Variants in FBXW8 observed in about 807,000 individuals in gnomAD.
FBXW8 encodes F-box and WD repeat domain containing 8, also known as F-box/WD repeat-containing protein 8.
FBXW8 carries 57 observed loss-of-function variants against 65.3 expected under a neutral mutation model. That is an observed-to-expected ratio of 0.87 (90% CI 0.71 to 1.09). The LOEUF (loss-of-function observed/expected upper bound fraction) is 1.09, where lower values mean the gene tolerates loss of function less well. FBXW8 is among the 50% of genes least tolerant of loss of function. The pLI is 0.00. For synonymous variants in FBXW8, 308 were observed against 330.2 expected, an observed-to-expected ratio of 0.93 and a Z score of 0.73; for missense variants, 777 against 814.8, an observed-to-expected ratio of 0.95 and a Z score of 0.57.
chr12:116,946,921 C>A (rs2137349546), intron 3 of FBXW8, among the ~76,000 whole-genome samples: 1 of 152,072 alleles, frequency 6.6e-6, no homozygotes, highest in East Asian at 1.9e-4. Context: ...TCCTTTCTCT[C>A]CAGAAAGGAG....
intron 7 of FBXW8, among the ~76,000 whole-genome samples, chr12:116,991,514 G>T (rs1010120611): frequency 6.6e-6 from 1 of 152,178 alleles, no homozygotes; most frequent in Admixed American, 6.5e-5. Flanking sequence ...CTTTGCTTGC[G>T]AATACCATGC....
At chr12:116,992,794 G>GTGTGTGTA (rs1341610564) in intron 7 of FBXW8, among the ~76,000 whole-genome samples, 7 of 151,752 alleles carry the variant, frequency 4.6e-5, no homozygotes, top group South Asian at 2.1e-4. Context: ...GTGTGTGTGT[G>GTGTGTGTA]TGTATCACAT....
Position 116,984,863 on chromosome 12 carries a change from G to A in FBXW8, c.836-343G>A, listed in dbSNP as rs12308160. Among the ~76,000 whole-genome samples the A allele has an allele frequency of 7.3e-3, 1,115 of 152,230 alleles. 16 individuals are homozygous for A. The highest frequency in any genetic ancestry group is 0.026 in the African/African-American group (1,060 of 41,522). Reference sequence around the variant, plus strand: ...AAATTAGCTGGGTATGGTGGCACACGCCTGTAGTCCTGTCTATTTGGGAGG... The same window carrying A: ...AAATTAGCTGGGTATGGTGGCACACACCTGTAGTCCTGTCTATTTGGGAGG... On this transcript the variant is annotated intron_variant, in intron 5 of 10. Transcript: ENST00000652555.
chr12:116,965,498 G>A (rs1194381085), intron 5 of FBXW8, among the ~76,000 whole-genome samples: 1 of 152,136 alleles, frequency 6.6e-6, no homozygotes, highest in Admixed American at 6.5e-5. Flanking sequence ...ATGATATCCA[G>A]TATGCCCACC....
intron 8 of FBXW8, among the ~76,000 whole-genome samples, chr12:117,018,349 C>T (rs1179222260): frequency 6.6e-6 from 1 of 152,246 alleles, no homozygotes; most frequent in Non-Finnish European, 1.5e-5. Flanking sequence ...TTCACAATAT[C>T]TACCATTGGC....
chr12:117,018,313 T>G (rs955939573), intron 8 of FBXW8, among the ~76,000 whole-genome samples: 2 of 152,224 alleles, frequency 1.3e-5, no homozygotes, highest in Non-Finnish European at 2.9e-5. Flanking sequence ...ATGGGCAAAG[T>G]TGATGAAATA....
At chr12:116,992,608 C>T (rs990817686) in intron 7 of FBXW8, among the ~76,000 whole-genome samples, 2 of 152,068 alleles carry the variant, frequency 1.3e-5, no homozygotes, top group African/African-American at 4.8e-5. Flanking sequence ...TGTGCCTCTG[C>T]ATACCCATAG....
At chr12:116,988,101 A>G (rs1352094426) in intron 6 of FBXW8, among the ~76,000 whole-genome samples, 1 of 152,202 alleles carries the variant, frequency 6.6e-6, no homozygotes, top group Non-Finnish European at 1.5e-5. Flanking sequence ...GTCCCTTAGT[A>G]ATGGGTGTTT....
intron 4 of FBXW8, among the ~76,000 whole-genome samples, chr12:116,960,346 A>G (rs1245011189): frequency 6.6e-6 from 1 of 152,228 alleles, no homozygotes; most frequent in Non-Finnish European, 1.5e-5. Flanking sequence ...CTGCTGAGTC[A>G]TAATGCAGTA....
At chr12:117,005,473 T>C (rs1394014360) in intron 7 of FBXW8, among the ~76,000 whole-genome samples, 1 of 152,146 alleles carries the variant, frequency 6.6e-6, no homozygotes, top group Admixed American at 6.5e-5. Flanking sequence ...TTACAACGTG[T>C]AGTGTGATGC....
chr12:116,967,828 G>A (rs1447917994), intron 5 of FBXW8, among the ~76,000 whole-genome samples: 1 of 152,172 alleles, frequency 6.6e-6, no homozygotes, highest in Non-Finnish European at 1.5e-5. Context: ...GTGCAGTGGT[G>A]CGATCTCGAC....
intron 4 of FBXW8, among the ~76,000 whole-genome samples, chr12:116,956,070 C>T (rs939357400): frequency 2.0e-5 from 3 of 152,160 alleles, no homozygotes; most frequent in African/African-American, 4.8e-5. Context: ...CATAAGAAAA[C>T]ACACTTTTCT....
Position 117,024,422 on chromosome 12 carries a change from C to G in FBXW8, c.1541+102C>G, listed in dbSNP as rs573731730. 2.4e-5 allele frequency: 33 copies of G among 1,374,328 alleles called. No individual in the cohort carries two copies. The South Asian group carries it at 4.4e-4, about 18-fold the overall frequency. 85.1% of individuals were successfully genotyped at this position (1,374,328 alleles called of 1,614,324 possible). A position where few individuals can be genotyped will look rare whatever the true frequency, so the allele number is the denominator to read the frequency against. On this transcript the variant is annotated intron_variant, in intron 9 of 10. Transcript: ENST00000652555. ...ACGGTGCTAAATGCCCCCTACCCCC[C>G]GGCTTCGCCAGGTGAATCCTTACTG... is the stretch of plus-strand genomic sequence containing the variant.
intron 4 of FBXW8, chr12:116,950,043 A>G (rs1430702998): frequency 3.8e-6 from 1 of 266,608 alleles, no homozygotes; most frequent in Non-Finnish European, 7.3e-6. Context: ...TCAAGCAAAG[A>G]TAATAAGTGT....
At chr12:116,954,788 A>G (rs113284630) in intron 4 of FBXW8, among the ~76,000 whole-genome samples, 6 of 152,212 alleles carry the variant, frequency 3.9e-5, no homozygotes, top group African/African-American at 1.4e-4. Context: ...TAACCTTTTG[A>G]CTTGAAGTCT....
intron 8 of FBXW8, among the ~76,000 whole-genome samples, chr12:117,022,844 C>A (rs1954132916): frequency 6.6e-6 from 1 of 152,176 alleles, no homozygotes; most frequent in Non-Finnish European, 1.5e-5. Flanking sequence ...TCCTCCTTTA[C>A]AGATGTGTTT....
At chr12:116,926,639 A>AT (rs896522445) in intron 1 of FBXW8, among the ~76,000 whole-genome samples, 4 of 151,696 alleles carry the variant, frequency 2.6e-5, no homozygotes, top group East Asian at 1.9e-4. Context: ...ACAATTGCAG[A>AT]TTTTTTTTCC....
chr12:116,931,574 G>A (rs1881774373), intron 2 of FBXW8, among the ~76,000 whole-genome samples: 3 of 152,018 alleles, frequency 2.0e-5, no homozygotes, highest in Admixed American at 2.0e-4. Flanking sequence ...CAGCATACTG[G>A]TCTTTAGCTT....
intron 7 of FBXW8, among the ~76,000 whole-genome samples, chr12:117,005,225 C>T (rs1953646431): frequency 1.3e-5 from 2 of 152,188 alleles, no homozygotes; most frequent in Admixed American, 1.3e-4. Flanking sequence ...AAAGCAACAT[C>T]TGAGTATCTT....
Sources: allele counts gnomAD v4.1 joint callset (sites outside exome capture counted in the v4.1 genomes callset), GRCh38; gene constraint gnomAD v4.1.1; transcripts MANE v1.5; gene names NCBI Gene and HGNC (gene_info 2026-07-23, HGNC 2026-07-21).